The following NTRK2 variants were observed in gnomAD, a reference collection of about 807,000 sequenced individuals.
NTRK2 encodes the protein neurotrophic receptor tyrosine kinase 2, also known as BDNF/NT-3 growth factors receptor.
In NTRK2, 13 loss-of-function variants were observed where a neutral mutation model predicts 94.5. That is an observed-to-expected ratio of 0.14 (90% CI 0.09 to 0.22). The LOEUF is 0.22. Ranked by LOEUF, NTRK2 falls within the 10% of genes least tolerant of loss-of-function variation. The pLI is 1.00. For synonymous variants in NTRK2, 372 were observed against 407.4 expected (o/e 0.91, Z 1.05); for missense variants, 639 against 1,071.2 (o/e 0.60, Z 5.63).
intron 14 of NTRK2, among the ~76,000 whole-genome samples, chr9:84,910,638 T>A (rs2077211497): frequency 6.6e-6 from 1 of 152,178 alleles, no homozygotes; most frequent in Non-Finnish European, 1.5e-5. Flanking sequence ...GGGTCCATAA[T>A]TAAACCCACT....
chr9:84,813,354 G>A (rs932310529), intron 12 of NTRK2: 12 of 1,035,740 alleles, frequency 1.2e-5, no homozygotes, highest in Middle Eastern at 8.7e-4. Context: ...GAAATGTCCC[G>A]ATTGTTAAAA....
At chr9:84,692,999 C>T (rs2060143892) in intron 2 of NTRK2, among the ~76,000 whole-genome samples, 1 of 152,162 alleles carries the variant, frequency 6.6e-6, no homozygotes, top group African/African-American at 2.4e-5. Context: ...GTGCTCCGAA[C>T]AACCCAGGGG....
At chr9:84,801,392 G>A (rs2070431686) in intron 12 of NTRK2, among the ~76,000 whole-genome samples, 1 of 152,160 alleles carries the variant, frequency 6.6e-6, no homozygotes, top group Non-Finnish European at 1.5e-5. Flanking sequence ...AAATTCCAGT[G>A]GTACTAGTTA....
At chr9:84,851,862 A>T (rs11140785) in intron 12 of NTRK2, among the ~76,000 whole-genome samples, 59,628 of 152,142 alleles carry the variant, frequency 0.39, 14,075 homozygotes, top group Non-Finnish European at 0.53. Flanking sequence ...GTTGGTCTAG[A>T]AGGACTAAAA....
intron 2 of NTRK2, among the ~76,000 whole-genome samples, chr9:84,682,598 C>T (rs1486945026): frequency 6.6e-6 from 1 of 152,098 alleles, no homozygotes; most frequent in Non-Finnish European, 1.5e-5. Flanking sequence ...AATTCGACCT[C>T]GAGAGCCCAG....
At chr9:84,742,789 G>GTTTTTTTTTTTTTT (rs757253032) in intron 10 of NTRK2, among the ~76,000 whole-genome samples, 1 of 103,704 alleles carries the variant, frequency 9.6e-6, no homozygotes, top group African/African-American at 4.0e-5. Context: ...CATTATATTA[G>GTTTTTTTTTTTTTT]TTTTTTTTTT....
At chr9:84,706,595 T>A (rs186783295) in intron 4 of NTRK2, among the ~76,000 whole-genome samples, 70 of 131,414 alleles carry the variant, frequency 5.3e-4, no homozygotes, top group African/African-American at 1.9e-3. Flanking sequence ...AGTGGCACAA[T>A]CTCTGCTCAC....
intron 17 of NTRK2, among the ~76,000 whole-genome samples, chr9:85,002,917 G>T (rs985096562): frequency 9.9e-5 from 15 of 152,162 alleles, no homozygotes; most frequent in African/African-American, 3.6e-4. Flanking sequence ...CCAACATCAG[G>T]CCAGGTCAGG....
At position 84,854,897 on chromosome 9, in the gene NTRK2, A is replaced by C. The variant is rs532004268; in HGVS notation, c.1397-6143A>C. On this transcript the variant is annotated intron_variant, in intron 12 of 18. Coordinates refer to ENST00000277120, the MANE Select transcript of NTRK2 (RefSeq NM_006180.6). Reference sequence around the variant, plus strand: ...AGGAGGCAGAAATTACAGTGGGCTGAGATTGCACCACTGCACTCCAGCCTG... The same window carrying C: ...AGGAGGCAGAAATTACAGTGGGCTGCGATTGCACCACTGCACTCCAGCCTG... 2.3e-5 allele frequency among the ~76,000 whole-genome samples: 3 copies of C among 128,184 alleles called. No individual in the cohort carries two copies. The East Asian group carries it at 8.1e-4, about 35-fold the overall frequency. 84.1% of individuals were successfully genotyped at this position (128,184 alleles called of 152,430 possible). A position where few individuals can be genotyped will look rare whatever the true frequency, so the allele number is the denominator to read the frequency against.
At chr9:84,876,322 A>T (rs1270397576) in intron 14 of NTRK2, 22 of 1,047,868 alleles carry the variant, frequency 2.1e-5, no homozygotes, top group Non-Finnish European at 2.4e-5. Context: ...TCTGCTTATA[A>T]AATAAGCAGA....
intron 12 of NTRK2, among the ~76,000 whole-genome samples, chr9:84,856,619 G>A (rs1324583044): frequency 6.6e-6 from 1 of 152,082 alleles, no homozygotes; most frequent in Non-Finnish European, 1.5e-5. Flanking sequence ...AAGCAGCCCG[G>A]GGACTCCTCT....
chr9:84,834,975 C>G (rs931982558), intron 12 of NTRK2, among the ~76,000 whole-genome samples: 1 of 152,204 alleles, frequency 6.6e-6, no homozygotes, highest in African/African-American at 2.4e-5. Flanking sequence ...CATTTTTGCA[C>G]AGCTGATAAT....
At chr9:84,680,580 C>T (rs2059332548) in intron 2 of NTRK2, among the ~76,000 whole-genome samples, 1 of 152,140 alleles carries the variant, frequency 6.6e-6, no homozygotes, top group Admixed American at 6.5e-5. Context: ...TTTTCTGTTT[C>T]TTTCTATTGT....
chr9:84,755,330 A>G (rs2064985770), intron 12 of NTRK2, among the ~76,000 whole-genome samples: 1 of 152,178 alleles, frequency 6.6e-6, no homozygotes, highest in Non-Finnish European at 1.5e-5. Flanking sequence ...GTTCATCTTT[A>G]TCTACTGAGT....
chr9:84,957,628 G>A (rs1049542343), intron 17 of NTRK2, among the ~76,000 whole-genome samples: 8 of 152,132 alleles, frequency 5.3e-5, no homozygotes, highest in African/African-American at 1.9e-4. Context: ...TGAAACTCTG[G>A]TACTCTCCTG....
intron 13 of NTRK2, 23 bp downstream of exon 13, chr9:84,861,110 C>T (rs745902379): frequency 6.3e-7 from 1 of 1,577,162 alleles, no homozygotes; most frequent in Non-Finnish European, 8.7e-7. Context: ...CTCACTCCTT[C>T]TTTGGATAAG....
chr9:84,928,451 A>G (rs1587960212), intron 14 of NTRK2, among the ~76,000 whole-genome samples: 1 of 152,326 alleles, frequency 6.6e-6, no homozygotes, highest in African/African-American at 2.4e-5. Flanking sequence ...GATAAACATG[A>G]GTGTTTCAAG....
intron 14 of NTRK2, chr9:84,873,503 G>C (rs1467873305): frequency 2.8e-6 from 3 of 1,058,402 alleles, no homozygotes; most frequent in African/African-American, 1.7e-5. Flanking sequence ...CAGTGCCACG[G>C]CCCCCCCATT....
chr9:84,921,799 C>A (rs1028734479), intron 14 of NTRK2, among the ~76,000 whole-genome samples: 34 of 152,080 alleles, frequency 2.2e-4, no homozygotes, highest in African/African-American at 7.7e-4. Context: ...AGTGAGAAAA[C>A]CTGAGCAGAA....
Sources: allele counts gnomAD v4.1 joint callset (sites outside exome capture counted in the v4.1 genomes callset), GRCh38; gene constraint gnomAD v4.1.1; transcripts MANE v1.5; gene names NCBI Gene and HGNC (gene_info 2026-07-23, HGNC 2026-07-21).